Variants in B3GLCT observed in about 807,000 individuals in gnomAD.
B3GLCT encodes the protein beta 3-glucosyltransferase, also known as beta-1,3-glucosyltransferase.
B3GLCT carries 65 observed loss-of-function variants against 63.4 expected under a neutral mutation model. That is an observed-to-expected ratio of 1.03 (90% CI 0.84 to 1.26). The LOEUF (loss-of-function observed/expected upper bound fraction) is 1.26. B3GLCT is among the 50% of genes most tolerant of loss of function. The pLI is 0.00. For missense variants in B3GLCT, 577 were observed against 604.8 expected, an observed-to-expected ratio of 0.95 and a Z score of 0.48; for synonymous variants, 233 against 219.2, an observed-to-expected ratio of 1.06 and a Z score of -0.55.
chr13:31,238,585 G>A (rs1231583740), intron 4 of B3GLCT, among the ~76,000 whole-genome samples: 1 of 152,126 alleles, frequency 6.6e-6, no homozygotes, highest in Non-Finnish European at 1.5e-5. Flanking sequence ...TAAAGTAGAT[G>A]GTAACTATTT....
intron 1 of B3GLCT, among the ~76,000 whole-genome samples, chr13:31,206,473 G>T (rs978948361): frequency 1.3e-5 from 2 of 151,922 alleles, no homozygotes; most frequent in Non-Finnish European, 2.9e-5. Flanking sequence ...GGGCGCAGTG[G>T]CTCACGCCTG....
chr13:31,314,463 T>C (rs914540850), intron 12 of B3GLCT, among the ~76,000 whole-genome samples: 6 of 152,190 alleles, frequency 3.9e-5, no homozygotes, highest in African/African-American at 1.4e-4. Context: ...GAGATCCTTT[T>C]GGAACTTTAA....
chr13:31,300,217 CTGTT>C (rs1206507489), intron 12 of B3GLCT, among the ~76,000 whole-genome samples: 1 of 152,106 alleles, frequency 6.6e-6, no homozygotes, highest in South Asian at 2.1e-4. Context: ...AAGAGTCCCT[CTGTT>C]TGTGAGGATC....
At position 31,324,273 on chromosome 13, in the gene B3GLCT, C is replaced by G. The variant is rs141464344; in HGVS notation, c.1329+378C>G. On this transcript the variant is annotated intron_variant, in intron 14 of 14. Coordinates refer to ENST00000343307, the MANE Select transcript of B3GLCT (RefSeq NM_194318.4). ...AATATTGTCCTACTGGCCACTGAGT[C>G]TATGTAATTCTACACCATCCTCAGT... 2.6e-3 allele frequency among the ~76,000 whole-genome samples: 391 copies of G among 152,310 alleles called. 4 individuals are homozygous for G. Among genetic ancestry groups the G allele is most frequent in the African/African-American group, 8.8e-3 (365 of 41,562 alleles).
chr13:31,219,435 T>A (rs543945240), intron 2 of B3GLCT, among the ~76,000 whole-genome samples: 4 of 152,346 alleles, frequency 2.6e-5, no homozygotes, highest in African/African-American at 9.6e-5. Flanking sequence ...ATGTGTGTAT[T>A]TGGCAATAAT....
intron 4 of B3GLCT, among the ~76,000 whole-genome samples, chr13:31,240,462 C>G (rs536717320): frequency 1.7e-5 from 2 of 118,292 alleles, no homozygotes; most frequent in Non-Finnish European, 1.8e-5. Flanking sequence ...GCCCTTGCCT[C>G]TTTAGTTTTT....
chr13:31,277,886 G>T (rs1872876802), intron 10 of B3GLCT, among the ~76,000 whole-genome samples: 1 of 151,968 alleles, frequency 6.6e-6, no homozygotes, highest in Admixed American at 6.6e-5. Context: ...TATGCAACAA[G>T]TCCTAAGATA....
At chr13:31,207,565 T>G (rs977242651) in intron 1 of B3GLCT, among the ~76,000 whole-genome samples, 1 of 152,226 alleles carries the variant, frequency 6.6e-6, no homozygotes, top group Non-Finnish European at 1.5e-5. Context: ...CTCTTTTTTT[T>G]TCACTATCTA....
At chr13:31,202,760 C>A (rs750468589) in intron 1 of B3GLCT, among the ~76,000 whole-genome samples, 19 of 152,150 alleles carry the variant, frequency 1.2e-4, no homozygotes, top group Admixed American at 2.6e-4. Context: ...ATCCTCCTTC[C>A]CATTGCCTAT....
At chr13:31,302,343 A>G (rs955896984) in intron 12 of B3GLCT, among the ~76,000 whole-genome samples, 3 of 152,050 alleles carry the variant, frequency 2.0e-5, no homozygotes, top group Admixed American at 1.3e-4. Context: ...CCGAATAGGA[A>G]CAGCTCCGGT....
rs535429685 is a variant in B3GLCT, at chr13:31,257,302, A to G, written c.460-3644A>G. Among the ~76,000 whole-genome samples the G allele has an allele frequency of 3.9e-5, 6 of 152,250 alleles. No individual in the cohort carries two copies. The East Asian group carries it at 7.7e-4, about 20-fold the overall frequency. ...TTTATACAAGCTATATTGGCATGGTATGTAAAATACAGTGATTTTCATATT... is the reference window on the plus strand; with the variant it reads ...TTTATACAAGCTATATTGGCATGGTGTGTAAAATACAGTGATTTTCATATT... On this transcript the variant is annotated intron_variant, in intron 6 of 14. Transcript: ENST00000343307.
At chr13:31,322,444 C>A (rs949689163) in intron 13 of B3GLCT, among the ~76,000 whole-genome samples, 1 of 152,180 alleles carries the variant, frequency 6.6e-6, no homozygotes, top group Non-Finnish European at 1.5e-5. Flanking sequence ...ATCCTGTAGC[C>A]TTTCAACATC....
intron 1 of B3GLCT, among the ~76,000 whole-genome samples, chr13:31,213,416 C>T (rs114975622): frequency 0.021 from 2,964 of 144,238 alleles, 91 homozygotes; most frequent in African/African-American, 0.069. Flanking sequence ...ATGTTGAAAC[C>T]TTGTCTCCAC....
chr13:31,251,113 A>G (rs574630386), intron 6 of B3GLCT, among the ~76,000 whole-genome samples: 1 of 152,342 alleles, frequency 6.6e-6, no homozygotes, highest in South Asian at 2.1e-4. Context: ...GCAGACCTGT[A>G]GCAGGGGACC....
At chr13:31,206,245 GT>G (rs1868942460) in intron 1 of B3GLCT, among the ~76,000 whole-genome samples, 1 of 152,162 alleles carries the variant, frequency 6.6e-6, no homozygotes, top group Non-Finnish European at 1.5e-5. Context: ...AGAATCATCT[GT>G]GTGTCCTAAA....
intron 13 of B3GLCT, among the ~76,000 whole-genome samples, chr13:31,322,999 G>A (rs955812063): frequency 1.3e-5 from 2 of 152,148 alleles, no homozygotes; most frequent in African/African-American, 4.8e-5. Context: ...TTTCTCTGTA[G>A]TTGACAGGAA....
At chr13:31,253,545 G>A (rs1871546520) in intron 6 of B3GLCT, among the ~76,000 whole-genome samples, 1 of 130,092 alleles carries the variant, frequency 7.7e-6, no homozygotes, top group South Asian at 2.6e-4. Context: ...GCAGTTGTCT[G>A]AGATTGTGCC....
intron 7 of B3GLCT, among the ~76,000 whole-genome samples, chr13:31,268,861 G>A (rs1038131559): frequency 2.0e-5 from 3 of 152,204 alleles, no homozygotes; most frequent in African/African-American, 7.2e-5. Context: ...TCTTTCTCAA[G>A]CATAATTTAT....
intron 7 of B3GLCT, among the ~76,000 whole-genome samples, chr13:31,262,022 A>G (rs1872055042): frequency 1.3e-5 from 2 of 152,196 alleles, no homozygotes; most frequent in South Asian, 2.1e-4. Context: ...TAGATGTGTT[A>G]TGTACAATTA....
Sources: gnomAD v4.1 joint callset for allele counts (sites outside exome capture counted in the v4.1 genomes callset) on GRCh38, gnomAD v4.1.1 for gene constraint, MANE v1.5 for transcripts, NCBI Gene and HGNC (gene_info 2026-07-23, HGNC 2026-07-21) for gene names.